Variants in SCLT1 observed in about 807,000 individuals in gnomAD.
SCLT1 encodes the protein sodium channel and clathrin linker 1.
Under a neutral mutation model 112.8 loss-of-function variants are expected in SCLT1, and 78 were observed. That is an observed-to-expected ratio of 0.69 (90% CI 0.58 to 0.83). The LOEUF is 0.83. Among genes scored for constraint, SCLT1 ranks in the 40% least tolerant of loss-of-function variants. The probability of loss-of-function intolerance (pLI) is 0.00; values close to 1 mark genes in which losing one functional copy is unlikely to be tolerated. For missense variants in SCLT1, 747 were observed against 770.4 expected (o/e 0.97, Z 0.36); for synonymous variants, 257 against 254.7 (o/e 1.01, Z -0.09).
chr4:128,970,258 G>T, intron 10 of SCLT1, 120 bp downstream of exon 10: 1 of 657,402 alleles, frequency 1.5e-6, no homozygotes, highest in Non-Finnish European at 2.7e-6. Flanking sequence ...TATTTTAAGG[G>T]TATTAAAATA....
chr4:129,003,640 T>G, intron 6 of SCLT1, 101 bp downstream of exon 6: 5 of 959,266 alleles, frequency 5.2e-6, no homozygotes, highest in Non-Finnish European at 7.6e-6. Context: ...ATCATAATGT[T>G]ACAATTTTAT....
chr4:129,071,486 T>C (rs1579929092), intron 2 of SCLT1, among the ~76,000 whole-genome samples: 2 of 152,210 alleles, frequency 1.3e-5, no homozygotes, highest in Non-Finnish European at 2.9e-5. Flanking sequence ...ATGTTTAAGA[T>C]TGTGATATCT....
intron 18 of SCLT1, among the ~76,000 whole-genome samples, chr4:128,909,064 T>C (rs1440022617): frequency 1.3e-5 from 2 of 152,232 alleles, no homozygotes; most frequent in African/African-American, 4.8e-5. Context: ...ACTTCAAACA[T>C]ACTGATTGTA....
At chr4:129,091,076 A>G (rs1752784354) in intron 1 of SCLT1, among the ~76,000 whole-genome samples, 1 of 152,194 alleles carries the variant, frequency 6.6e-6, no homozygotes, top group African/African-American at 2.4e-5. Flanking sequence ...AGTCAGAGGC[A>G]GGTGGAAAGA....
At chr4:129,031,242 G>C (rs1239565272) in intron 5 of SCLT1, among the ~76,000 whole-genome samples, 3 of 152,022 alleles carry the variant, frequency 2.0e-5, no homozygotes, top group Non-Finnish European at 4.4e-5. Flanking sequence ...TGCAGAAAAG[G>C]CCTTTGATAA....
intron 11 of SCLT1, 55 bp downstream of exon 11, chr4:128,965,172 T>C (rs1740068273): frequency 4.5e-6 from 4 of 884,092 alleles, no homozygotes; most frequent in Middle Eastern, 2.5e-4. Context: ...TGAAACTCTA[T>C]TGTAAAATAT....
intron 1 of SCLT1, among the ~76,000 whole-genome samples, chr4:129,086,830 G>C (rs1312821676): frequency 6.6e-6 from 1 of 152,110 alleles, no homozygotes; most frequent in Non-Finnish European, 1.5e-5. Context: ...GTTATAGTAG[G>C]AGTAAGATAC....
rs766005335 is a variant in SCLT1, at chr4:129,043,970, A to G, written c.161+23T>C. ...ATAATTAAATATAACGAAGAAAATG[A>G]TATTATTCTGGTAATACTTTACCTT... is the stretch of plus-strand genomic sequence containing the variant. On this transcript the variant is annotated intron_variant, in intron 3 of 20. Coordinates refer to ENST00000281142, the MANE Select transcript of SCLT1 (RefSeq NM_144643.4). 1.1e-5 allele frequency: 13 copies of G among 1,191,828 alleles called. No individual in the cohort carries two copies. In the South Asian group the frequency reaches 1.3e-4, roughly 12 times the overall value. 73.8% of individuals were successfully genotyped at this position (1,191,828 alleles called of 1,614,324 possible). A position where few individuals can be genotyped will look rare whatever the true frequency, so the allele number is the denominator to read the frequency against.
intron 14 of SCLT1, 130 bp downstream of exon 14, chr4:128,952,638 CT>C (rs1229975263): frequency 1.5e-6 from 1 of 672,916 alleles, no homozygotes; most frequent in Non-Finnish European, 2.7e-6. Flanking sequence ...TGGATTTTCA[CT>C]TTTTTCTTAG....
intron 15 of SCLT1, among the ~76,000 whole-genome samples, chr4:128,947,326 T>C (rs1738256798): frequency 6.6e-6 from 1 of 152,188 alleles, no homozygotes; most frequent in Non-Finnish European, 1.5e-5. Context: ...AAATGGAAAT[T>C]GTACGCAGAT....
intron 2 of SCLT1, among the ~76,000 whole-genome samples, chr4:129,060,069 C>T (rs1019366646): frequency 3.9e-5 from 6 of 152,066 alleles, no homozygotes; most frequent in Admixed American, 6.6e-5. Flanking sequence ...TCAAACAACC[C>T]GTCTTCAAGT....
chr4:129,056,399 G>A (rs1266750172), intron 2 of SCLT1, among the ~76,000 whole-genome samples: 1 of 152,022 alleles, frequency 6.6e-6, no homozygotes, highest in Non-Finnish European at 1.5e-5. Flanking sequence ...ATGCTGTTTT[G>A]GTTACTATAG....
chr4:128,879,811 T>A (rs1308943267), downstream of SCLT1, among the ~76,000 whole-genome samples: 1 of 152,198 alleles, frequency 6.6e-6, no homozygotes, highest in Non-Finnish European at 1.5e-5. Flanking sequence ...ATAGAGTAGT[T>A]TAAATGAAAG....
At chr4:129,024,975 G>A (rs1436197967) in intron 5 of SCLT1, among the ~76,000 whole-genome samples, 2 of 152,122 alleles carry the variant, frequency 1.3e-5, no homozygotes, top group African/African-American at 4.8e-5. Flanking sequence ...TGAATGAAAT[G>A]AAGCGAGAAG....
At chr4:129,079,402 G>A (rs1751738514) in intron 2 of SCLT1, among the ~76,000 whole-genome samples, 1 of 152,088 alleles carries the variant, frequency 6.6e-6, no homozygotes, top group Non-Finnish European at 1.5e-5. Flanking sequence ...TTTCCAAAAG[G>A]GAGACATTGA....
Position 129,081,405 on chromosome 4 carries a change from C to T in SCLT1, c.102+901G>A, listed in dbSNP as rs148248602. Among the ~76,000 whole-genome samples, 105 of 152,286 alleles carry T rather than the reference C, an allele frequency of 6.9e-4. 1 individual carries two copies. Among genetic ancestry groups the T allele is most frequent in the Middle Eastern group, 3.4e-3 (1 of 294 alleles). On this transcript the variant is annotated intron_variant, in intron 2 of 20. Coordinates refer to ENST00000281142, the MANE Select transcript of SCLT1 (RefSeq NM_144643.4). ...TGTCTCTTTGTAACTCCTTTGTCTC[C>T]GCTGGACTCGGGGTACCTGCCAGGT...
At chr4:129,079,938 C>T (rs908758670) in intron 2 of SCLT1, among the ~76,000 whole-genome samples, 2 of 152,242 alleles carry the variant, frequency 1.3e-5, no homozygotes, top group Non-Finnish European at 2.9e-5. Context: ...GTGGAAGCTG[C>T]CAAGATTTAT....
intron 18 of SCLT1, among the ~76,000 whole-genome samples, chr4:128,930,438 T>C (rs993582777): frequency 1.3e-5 from 2 of 152,212 alleles, no homozygotes; most frequent in African/African-American, 4.8e-5. Flanking sequence ...TCCAATTATT[T>C]CATGAGTAAA....
intron 18 of SCLT1, among the ~76,000 whole-genome samples, chr4:128,892,895 T>A (rs1408123166): frequency 2.0e-5 from 3 of 152,104 alleles, no homozygotes; most frequent in African/African-American, 7.2e-5. Context: ...CAAAATAGAA[T>A]AAATTATTAT....
Sources: allele counts gnomAD v4.1 joint callset (sites outside exome capture counted in the v4.1 genomes callset), GRCh38; gene constraint gnomAD v4.1.1; transcripts MANE v1.5; gene names NCBI Gene and HGNC (gene_info 2026-07-23, HGNC 2026-07-21).